CPSF1: variants seen among roughly 807,000 people sequenced by gnomAD.
CPSF1 encodes cleavage and polyadenylation specificity factor subunit 1.
In CPSF1, 106 loss-of-function variants were observed where a neutral mutation model predicts 175.8. The observed-to-expected ratio is 0.60, with a 90% CI of 0.52 to 0.71. The LOEUF (loss-of-function observed/expected upper bound fraction) is 0.71, where lower values mean the gene tolerates loss of function less well. Ranked by LOEUF, CPSF1 falls within the 30% of genes least tolerant of loss-of-function variation. The probability of loss-of-function intolerance (pLI) is 0.00; values close to 1 mark genes in which losing one functional copy is unlikely to be tolerated. For missense variants in CPSF1, 1,734 were observed against 2,022.9 expected (o/e 0.86, Z 2.74); for synonymous variants, 1,024 against 858.3 (o/e 1.19, Z -3.37).
chr8:144,399,779 A>G lies in CPSF1; in HGVS notation c.1119+2T>C, dbSNP rs1554865719. 1 of 1,578,808 alleles carries G rather than the reference A, an allele frequency of 6.3e-7. No homozygotes were observed. ...CAGACCCAACCCCTAGTCCCAACTCACGCTGGTGGTGAGGACGCTGGCGGC... is the reference window on the plus strand; with the variant it reads ...CAGACCCAACCCCTAGTCCCAACTCGCGCTGGTGGTGAGGACGCTGGCGGC... On this transcript the variant is annotated splice_donor_variant, in intron 11 of 37. Coordinates refer to ENST00000616140, the MANE Select transcript of CPSF1 (RefSeq NM_013291.3). LOFTEE classifies it high-confidence loss of function. The surrounding 1 kb of genome is among the most constrained non-coding windows in gnomAD (Gnocchi z 6.4).
chr8:144,408,870 C>G lies in CPSF1; in HGVS notation c.144+145G>C, dbSNP rs1554869880. 3 of 951,548 alleles carry G rather than the reference C, an allele frequency of 3.2e-6. No individual in the cohort carries two copies. In the African/African-American group the frequency reaches 5.0e-5, roughly 16 times the overall value. 58.9% of individuals were successfully genotyped at this position (951,548 alleles called of 1,614,324 possible). On this transcript the variant is annotated intron_variant, in intron 2 of 37. Coordinates refer to ENST00000616140, the MANE Select transcript of CPSF1 (RefSeq NM_013291.3). ...AGAAAGGATCTGAGCACAAGAGATT[C>G]AGGGTCATGTCCTGGCTCCTCAGGC...
intron 7 of CPSF1, 36 bp downstream of exon 7, chr8:144,400,635 G>A (rs2116876863): frequency 1.3e-6 from 2 of 1,595,742 alleles, no homozygotes. Context: ...CAGCTAGGGG[G>A]CCCACAGTGC....
intron 28 of CPSF1, 35 bp downstream of exon 28, chr8:144,395,230 G>C: frequency 6.2e-7 from 1 of 1,612,852 alleles, no homozygotes; most frequent in East Asian, 2.2e-5. Context: ...CCCAAGATGC[G>C]GCTGAGGATG....
At position 144,400,922 on chromosome 8, in the gene CPSF1, ACCCCTCACCCACGAG is replaced by A; in HGVS notation, c.526_539+1del. ...CCACAGCCTGCCTCAGCTGGCACTCACCCCTCACCCACGAGCCCCTCGTGCTCCTCAGCCAGGCTC... is the reference window on the plus strand; with the variant it reads ...CCACAGCCTGCCTCAGCTGGCACTCACCCCTCGTGCTCCTCAGCCAGGCTC... On this transcript the variant is annotated splice_donor_variant and coding_sequence_variant, in exon 6 of 38. Coordinates refer to ENST00000616140, the MANE Select transcript of CPSF1 (RefSeq NM_013291.3). LOFTEE classifies it high-confidence loss of function. 6.2e-7 allele frequency: 1 copy of A among 1,600,874 alleles called. No homozygotes were observed. The highest frequency in any genetic ancestry group is 8.5e-7 in the Non-Finnish European group (1 of 1,173,290).
chr8:144,402,038 G>A (rs2116888432), intron 2 of CPSF1, among the ~76,000 whole-genome samples: 7 of 152,202 alleles, frequency 4.6e-5, no homozygotes, highest in Non-Finnish European at 8.8e-5. Context: ...CGGCCCCTGG[G>A]TCCAAATGTC....
At chr8:144,398,503 G>A (rs1820940689) in intron 18 of CPSF1, 22 bp downstream of exon 18, 7 of 1,613,656 alleles carry the variant, frequency 4.3e-6, no homozygotes, top group Non-Finnish European at 5.9e-6. Flanking sequence ...CCAGGTCCCA[G>A]GTCCCAGGCC....
At position 144,398,770 on chromosome 8, in the gene CPSF1, C is replaced by T. The variant is rs2116854641; in HGVS notation, c.1638+9G>A. 3.4e-5 allele frequency: 54 copies of T among 1,592,914 alleles called. No individual in the cohort carries two copies. The highest frequency in any genetic ancestry group is 1.7e-4 in the South Asian group (15 of 88,424). The stretch of plus-strand genomic sequence containing the variant: ...TCCCAGGGCCTCCCTGCAGCAGGCT[C>T]GCACCTACCTCCTCCTTACGCACCG... On this transcript the variant is annotated intron_variant, in intron 17 of 37. Transcript: ENST00000616140.
chr8:144,396,506 G>A lies in CPSF1; in HGVS notation c.2827-6C>T. The stretch of plus-strand genomic sequence containing the variant: ...GAGGGGCCGCAGATGAAGACCTGGG[G>A]GCAGGCACCGTGAGGATGCTGTGGA... On this transcript the variant is annotated splice_region_variant and splice_polypyrimidine_tract_variant and intron_variant, in intron 25 of 37. Coordinates refer to ENST00000616140, the MANE Select transcript of CPSF1 (RefSeq NM_013291.3). 1.2e-6 allele frequency: 2 copies of A among 1,611,608 alleles called. No homozygotes were observed. Among genetic ancestry groups the A allele is most frequent in the South Asian group, 1.1e-5 (1 of 90,950 alleles).
In CPSF1 at chr8:144,394,643, CCTT is replaced by C. The variant is rs1385246243; in HGVS notation, c.3565_3567del (p.Lys1189del). ...ACACACGCCGGGTGGGACTGGCACA[CCTT>C]CTGGCCGATGGCCGACACCAGGTGG... On this transcript the variant is annotated inframe_deletion and splice_region_variant, in exon 31 of 38. Coordinates refer to ENST00000616140, the MANE Select transcript of CPSF1 (RefSeq NM_013291.3). 2.5e-6 allele frequency: 4 copies of C among 1,605,710 alleles called. No individual in the cohort carries two copies. The highest frequency in any genetic ancestry group is 3.4e-6 in the Non-Finnish European group (4 of 1,176,912).
rs1209632725 is a variant in CPSF1 at position 144,393,574 on chromosome 8, G to A, written c.4162C>T (p.Arg1388Cys). 5 of 1,604,918 alleles carry A rather than the reference G, an allele frequency of 3.1e-6. No individual in the cohort carries two copies. Among genetic ancestry groups the A allele is most frequent in the Admixed American group, 1.7e-5 (1 of 58,962 alleles). Residue 1388 changes from arginine (R) to cysteine (C), a missense_variant, in exon 37 of 38, where the codon CGC becomes TGC. Coordinates refer to ENST00000616140, the MANE Select transcript of CPSF1 (RefSeq NM_013291.3). ...PRAFRMLHVD[R>C]RTLQNAVRNV... is the part of the protein sequence containing the mutation. ...CGCACGGCATTCTGGAGGGTGCGGC[G>A]GTCCACGTGCAGCATCCTGGGGCGT...
At position 144,395,154 on chromosome 8, in the gene CPSF1, C is replaced by G. The variant is rs782790012; in HGVS notation, c.3216G>C (p.Glu1072Asp). ...RDERYIHPQQEAFSIQLISPV... is the reference protein window; with the variant it reads ...RDERYIHPQQDAFSIQLISPV... ...GGGAGATGAGCTGGATGGAGAAGGC[C>G]TCCTGCTGGGGGTGGATGTACCGCT... is the stretch of plus-strand genomic sequence containing the variant. Residue 1072 changes from glutamate to aspartate, a missense_variant, in exon 29 of 38, where the codon GAG becomes GAC. Glu to Asp is a conservative substitution (Grantham distance 45, BLOSUM62 2). Coordinates refer to ENST00000616140, the MANE Select transcript of CPSF1 (RefSeq NM_013291.3). 1.9e-6 allele frequency: 3 copies of G among 1,612,560 alleles called. No individual in the cohort carries two copies. The highest frequency in any genetic ancestry group is 2.5e-6 in the Non-Finnish European group (3 of 1,179,612).
Position 144,394,249 on chromosome 8 carries a change from G to T in CPSF1, c.3796C>A (p.Gln1266Lys). 6.2e-7 allele frequency: 1 copy of T among 1,605,326 alleles called. No individual in the cohort carries two copies. Among genetic ancestry groups the T allele is most frequent in the Non-Finnish European group, 8.5e-7 (1 of 1,175,596 alleles). Residue 1266 changes from glutamine to lysine, a missense_variant, in exon 33 of 38, where the codon CAG (glutamine) becomes AAG (lysine). Coordinates refer to ENST00000616140, the MANE Select transcript of CPSF1 (RefSeq NM_013291.3). ...YSVDFMVDNA[Q>K]LGFLVSDRDR... ...GCCCACATACCCAGAAAACCCAGCT[G>T]GGCATTGTCCACCATGAAGTCCACG...
chr8:144,396,648 C>G lies in CPSF1; in HGVS notation c.2776G>C (p.Gly926Arg). The change falls in exon 25 of 38, where the codon GGC (glycine) becomes CGC (arginine). Residue 926 changes from glycine to arginine, a missense_variant. This residue lies in a region of CPSF1 where 585 missense variants were observed against 584.7 expected (regional missense o/e 1.00). Transcript: ENST00000616140. The stretch of plus-strand genomic sequence containing the variant: ...AAGTAGCGGAAACGCGCCACGCGGC[C>G]CCGGGCCCCAGCCCCCTCCTCTGCG... The part of the protein sequence containing the change: ...GGAEEGAGAR[G>R]RVARFRYFED... 1 of 1,613,790 alleles carries G rather than the reference C, an allele frequency of 6.2e-7. No homozygotes were observed. The highest frequency in any genetic ancestry group is 8.5e-7 in the Non-Finnish European group (1 of 1,180,002).
chr8:144,406,827 A>G (rs1337231979), intron 2 of CPSF1, among the ~76,000 whole-genome samples: 3 of 152,214 alleles, frequency 2.0e-5, no homozygotes, highest in Non-Finnish European at 4.4e-5. Flanking sequence ...TGTCCTCTGC[A>G]GTGAATGCTG....
chr8:144,397,569 G>A lies in CPSF1; in HGVS notation c.2303C>T (p.Pro768Leu), dbSNP rs1368065647. ...SKEEARRSSQ[P>L]PADRDPAPFR... ...GGGTGCAGGGTCCCGGTCAGCAGGGGGCTGGCTGCTTCTTCGGGCCTCCTC... is the reference window on the plus strand; with the variant it reads ...GGGTGCAGGGTCCCGGTCAGCAGGGAGCTGGCTGCTTCTTCGGGCCTCCTC... Residue 768 changes from proline (P) to leucine (L), a missense_variant, in exon 22 of 38, where the codon CCC (proline) becomes CTC (leucine). Transcript: ENST00000616140. 19 of 1,545,580 alleles carry A rather than the reference G, an allele frequency of 1.2e-5. No homozygotes were observed. Among genetic ancestry groups the A allele is most frequent in the South Asian group, 3.7e-5 (3 of 81,026 alleles).
In CPSF1 at chr8:144,400,741, G is replaced by T. The variant is rs2116877797; in HGVS notation, c.616C>A (p.Leu206Met). 1.2e-6 allele frequency: 2 copies of T among 1,613,752 alleles called. No homozygotes were observed. The highest frequency in any genetic ancestry group is 1.7e-5 in the Admixed American group (1 of 59,974). Reference protein sequence around the residue: ...LDEKLLNIIDLQFLHGYYEPT... With the variant: ...LDEKLLNIIDMQFLHGYYEPT... Reference sequence around the variant, plus strand: ...TCGTAGTAGCCATGCAGGAACTGCAGGTCGATGATGTTGAGCAGCTTCTCG... The same window carrying T: ...TCGTAGTAGCCATGCAGGAACTGCATGTCGATGATGTTGAGCAGCTTCTCG... Residue 206 changes from leucine (L) to methionine (M), a missense_variant, in exon 7 of 38, where the codon CTG becomes ATG. Physicochemically the swap from Leu to Met is conservative, Grantham distance 15. Transcript: ENST00000616140.
chr8:144,395,911 G>A, intron 26 of CPSF1: 2 of 417,208 alleles, frequency 4.8e-6, no homozygotes, highest in East Asian at 8.9e-5. Flanking sequence ...TGAGTCCTCA[G>A]GCACCCAGGA....
Position 144,397,678 on chromosome 8 carries a change from G to T in CPSF1, c.2211-17C>A, listed in dbSNP as rs1554864494. 1 of 1,550,642 alleles carries T rather than the reference G, an allele frequency of 6.4e-7. No homozygotes were observed. The highest frequency in any genetic ancestry group is 8.7e-7 in the Non-Finnish European group (1 of 1,144,544). On this transcript the variant is annotated splice_polypyrimidine_tract_variant and intron_variant, in intron 21 of 37. Transcript: ENST00000616140. ...ACTGTGGGGCTGGGGGCCAGCAGAA[G>T]GTCATGGGCGGCCTGCCAGCCCCAG...
rs2116856856 is a variant in CPSF1 at position 144,398,988 on chromosome 8, G to A, written c.1518C>T (p.His506=). Residue 506 remains histidine, a synonymous_variant, in exon 16 of 38, where the codon CAC becomes CAT. Coordinates refer to ENST00000616140, the MANE Select transcript of CPSF1 (RefSeq NM_013291.3). ...PDLEIVVCSG[H]GKNGALSVLQ... is the part of the protein sequence containing the mutation. Reference sequence around the variant, plus strand: ...GCACCGACAAAGCCCCGTTCTTCCCGTGGCCGGAGCAAACCACAATCTCCA... The same window carrying A: ...GCACCGACAAAGCCCCGTTCTTCCCATGGCCGGAGCAAACCACAATCTCCA... 21 of 1,612,246 alleles carry A rather than the reference G, an allele frequency of 1.3e-5. No homozygotes were observed. Among genetic ancestry groups the A allele is most frequent in the Admixed American group, 8.3e-5 (5 of 59,926 alleles).
Sources: gnomAD v4.1 joint callset for allele counts (sites outside exome capture counted in the v4.1 genomes callset) on GRCh38, gnomAD v4.1.1 for gene constraint, gnomAD v4.1.1 regional missense constraint, Gnocchi (gnomAD v3.1) non-coding constraint, MANE v1.5 for transcripts, NCBI Gene and HGNC (gene_info 2026-07-23, HGNC 2026-07-21) for gene names.